The following SMOC2 variants were observed in gnomAD, a reference collection of about 807,000 sequenced individuals.
The protein encoded by SMOC2 is SPARC-related modular calcium-binding protein 2.
Under a neutral mutation model 61.4 loss-of-function variants are expected in SMOC2, and 39 were observed. The ratio of observed to expected loss-of-function variants is 0.64; its 90% confidence interval spans 0.49 to 0.83. The LOEUF (loss-of-function observed/expected upper bound fraction) is 0.83. Among genes scored for constraint, SMOC2 ranks in the 40% least tolerant of loss-of-function variants. SMOC2 has a pLI of 0.00. For synonymous variants in SMOC2, 247 were observed against 239.9 expected (o/e 1.03, Z -0.27); for missense variants, 556 against 592.9 (o/e 0.94, Z 0.65).
At chr6:168,611,256 CAT>C in intron 9 of SMOC2, among the ~76,000 whole-genome samples, 1 of 136,872 alleles carries the variant, frequency 7.3e-6, no homozygotes, top group African/African-American at 2.8e-5. Context: ...CTCTGGTTCC[CAT>C]GTCCGGGACC....
In SMOC2 at chr6:168,484,100, A is replaced by G. The variant is rs73272923; in HGVS notation, c.85-25815A>G. 1.7e-3 allele frequency among the ~76,000 whole-genome samples: 266 copies of G among 152,308 alleles called. 2 individuals are homozygous for G. The highest frequency in any genetic ancestry group is 6.0e-3 in the African/African-American group (251 of 41,580). ...GAAAAATTGTACAAATTGGACTTTA[A>G]GAAAAATTCAAAAATTGGTGTATCA... On this transcript the variant is annotated intron_variant, in intron 1 of 12. Transcript: ENST00000356284.
chr6:168,660,471 C>G (rs187683460), intron 11 of SMOC2, among the ~76,000 whole-genome samples: 1 of 152,324 alleles, frequency 6.6e-6, no homozygotes, highest in Non-Finnish European at 1.5e-5. Context: ...TATTGATAGA[C>G]TGAAATGAAG....
chr6:168,529,310 C>G (rs910614023), intron 4 of SMOC2, among the ~76,000 whole-genome samples: 4 of 152,114 alleles, frequency 2.6e-5, no homozygotes, highest in African/African-American at 9.7e-5. Context: ...ATTGGGCAGC[C>G]CATGCGCTGG....
At chr6:168,650,529 A>G in intron 9 of SMOC2, 152 bp from the exon 10 acceptor site, 1 of 622,096 alleles carries the variant, frequency 1.6e-6, no homozygotes, top group South Asian at 2.0e-5. Flanking sequence ...CAATATATAT[A>G]ATGCAATGTG....
intron 1 of SMOC2, among the ~76,000 whole-genome samples, chr6:168,487,849 C>T (rs189390497): frequency 5.3e-5 from 8 of 152,252 alleles, no homozygotes; most frequent in East Asian, 3.9e-4. Context: ...ACAATCTATA[C>T]GTTGATGTAG....
At chr6:168,457,210 G>A (rs1042890432) in intron 1 of SMOC2, among the ~76,000 whole-genome samples, 1 of 152,196 alleles carries the variant, frequency 6.6e-6, no homozygotes, top group African/African-American at 2.4e-5. Flanking sequence ...CAGGAGGAAC[G>A]TGTGTTTAGA....
chr6:168,661,298 T>C (rs1481265314), intron 11 of SMOC2, among the ~76,000 whole-genome samples: 1 of 152,126 alleles, frequency 6.6e-6, no homozygotes, highest in African/African-American at 2.4e-5. Context: ...TACTGAACAA[T>C]GCGCTTTTTA....
intron 9 of SMOC2, among the ~76,000 whole-genome samples, chr6:168,644,643 T>C (rs1051757656): frequency 1.6e-4 from 22 of 137,146 alleles, no homozygotes; most frequent in African/African-American, 5.7e-4. Flanking sequence ...TGAATGCCTT[T>C]CTTTTTTTTT....
chr6:168,519,261 G>A (rs1014644266), intron 2 of SMOC2, among the ~76,000 whole-genome samples: 7 of 152,094 alleles, frequency 4.6e-5, no homozygotes, highest in African/African-American at 9.7e-5. Context: ...ATGTGCGTGC[G>A]TGCATGTGTG....
chr6:168,595,662 G>A (rs1346531603), intron 7 of SMOC2, among the ~76,000 whole-genome samples: 8 of 152,152 alleles, frequency 5.3e-5, no homozygotes, highest in Admixed American at 2.6e-4. Flanking sequence ...ATGCAGCCAG[G>A]TTTATCAGGT....
At chr6:168,479,377 A>G (rs1782158572) in intron 1 of SMOC2, among the ~76,000 whole-genome samples, 6 of 152,264 alleles carry the variant, frequency 3.9e-5, no homozygotes, top group African/African-American at 1.4e-4. Flanking sequence ...ATTTTCCAGC[A>G]TAAAGGGAAT....
chr6:168,499,973 G>A (rs1474518627), intron 1 of SMOC2, among the ~76,000 whole-genome samples: 1 of 152,200 alleles, frequency 6.6e-6, no homozygotes, highest in East Asian at 1.9e-4. Context: ...TGGCCCGGGT[G>A]CTCAGTGTTC....
intron 2 of SMOC2, among the ~76,000 whole-genome samples, chr6:168,518,026 A>T (rs114223900): frequency 0.011 from 1,613 of 152,332 alleles, 26 homozygotes; most frequent in African/African-American, 0.037. Context: ...TTCCCATCGC[A>T]TGAGTGTTTC....
intron 1 of SMOC2, among the ~76,000 whole-genome samples, chr6:168,443,776 A>G (rs1020187635): frequency 1.3e-5 from 2 of 152,134 alleles, no homozygotes; most frequent in South Asian, 4.1e-4. Context: ...TTTGCATCCT[A>G]CCTACTTTAA....
chr6:168,603,260 T>G (rs1197252705), intron 8 of SMOC2, among the ~76,000 whole-genome samples: 1 of 148,272 alleles, frequency 6.7e-6, no homozygotes, highest in East Asian at 1.9e-4. Flanking sequence ...TTTTTTTTTT[T>G]TTTTTTAGAA....
In SMOC2 at chr6:168,653,472, G is replaced by A. The variant is rs1045850497; in HGVS notation, c.1285+244G>A. On this transcript the variant is annotated intron_variant, in intron 11 of 12. Transcript: ENST00000356284. ...TGAACTGCGTGTTGGTTTGCAATGA[G>A]CCTTTTTACTGTTCAGACCACGGTT... Among the ~76,000 whole-genome samples, 7 of 152,252 alleles carry A rather than the reference G, an allele frequency of 4.6e-5. No homozygotes were observed. In the South Asian group the frequency reaches 1.0e-3, roughly 22 times the overall value.
At chr6:168,598,780 T>G (rs753897445) in intron 7 of SMOC2, 38 bp from the exon 8 acceptor site, 2 of 1,609,710 alleles carry the variant, frequency 1.2e-6, no homozygotes, top group South Asian at 2.2e-5. Flanking sequence ...ACGACGTCGC[T>G]GGATCCTGCT....
chr6:168,477,770 A>G (rs528028136), intron 1 of SMOC2, among the ~76,000 whole-genome samples: 1 of 152,316 alleles, frequency 6.6e-6, no homozygotes, highest in African/African-American at 2.4e-5. Flanking sequence ...CTAAAGAACC[A>G]TCCCCTAATG....
intron 1 of SMOC2, among the ~76,000 whole-genome samples, chr6:168,466,265 C>T (rs944020900): frequency 6.6e-5 from 10 of 151,266 alleles, no homozygotes; most frequent in African/African-American, 1.9e-4. Flanking sequence ...CGAGGTGCTG[C>T]TCTGAGAGCT....
Sources: gnomAD v4.1 joint callset for allele counts (sites outside exome capture counted in the v4.1 genomes callset) on GRCh38, gnomAD v4.1.1 for gene constraint, MANE v1.5 for transcripts, NCBI Gene and HGNC (gene_info 2026-07-23, HGNC 2026-07-21) for gene names.